Variants in BLNK observed in about 807,000 individuals in gnomAD.
BLNK encodes the protein B-cell linker protein.
Under a neutral mutation model 73.5 loss-of-function variants are expected in BLNK, and 29 were observed. The ratio of observed to expected loss-of-function variants is 0.39; its 90% CI spans 0.29 to 0.54. The LOEUF (loss-of-function observed/expected upper bound fraction) is 0.54. Ranked by LOEUF, BLNK falls within the 20% of genes least tolerant of loss-of-function variation. The pLI is 0.61. For synonymous variants in BLNK, 176 were observed against 200.8 expected (o/e 0.88, Z 1.04); for missense variants, 460 against 562.8 (o/e 0.82, Z 1.85).
intron 1 of BLNK, among the ~76,000 whole-genome samples, chr10:96,253,737 T>C (rs1474137557): frequency 6.6e-6 from 1 of 152,062 alleles, no homozygotes; most frequent in Admixed American, 6.6e-5. Context: ...TAGGCCAGGC[T>C]GGGTGCGATG....
At chr10:96,252,552 A>G (rs760182578) in intron 1 of BLNK, among the ~76,000 whole-genome samples, 4 of 152,366 alleles carry the variant, frequency 2.6e-5, no homozygotes, top group African/African-American at 7.2e-5. Flanking sequence ...TGGGTGGTCA[A>G]TTGGAAGCAT....
At position 96,189,642 on chromosome 10, in the gene BLNK, G is replaced by T; in HGVS notation, c.*2331C>A. The stretch of plus-strand genomic sequence containing the variant: ...CTGATTTGACTTTTGTGCATTTTTG[G>T]CTGGAGTATGTAGATTTCTTCAATG... On this transcript the variant is annotated 3_prime_UTR_variant, in exon 17 of 17. Transcript: ENST00000224337. The T allele has an allele frequency of 1.4e-6, 1 of 710,962 alleles. No homozygotes were observed. Among genetic ancestry groups the T allele is most frequent in the Non-Finnish European group, 2.6e-6 (1 of 383,272 alleles). 44.0% of individuals were successfully genotyped at this position (710,962 alleles called of 1,614,324 possible). A position where few individuals can be genotyped will look rare whatever the true frequency, so the allele number is the denominator to read the frequency against.
Position 96,258,382 on chromosome 10 carries a change from C to T in BLNK, c.48-11333G>A, listed in dbSNP as rs74932896. On this transcript the variant is annotated intron_variant, in intron 1 of 16. Transcript: ENST00000224337. Reference sequence around the variant, plus strand: ...GTGTCTCAGACTATACAGCTGACTCCGAATTTTGCCTACAATTAAGGTAGT... The same window carrying T: ...GTGTCTCAGACTATACAGCTGACTCTGAATTTTGCCTACAATTAAGGTAGT... Among the ~76,000 whole-genome samples the T allele has an allele frequency of 7.9e-3, 1,198 of 152,228 alleles. 17 individuals are homozygous for T. Among genetic ancestry groups the T allele is most frequent in the African/African-American group, 0.028 (1,149 of 41,540 alleles).
intron 16 of BLNK, among the ~76,000 whole-genome samples, chr10:96,195,911 G>A (rs2083453965): frequency 6.6e-6 from 1 of 152,176 alleles, no homozygotes; most frequent in African/African-American, 2.4e-5. Context: ...AATCAATTCA[G>A]TTGCTTAATA....
At chr10:96,271,195 A>G (rs1413129198) in intron 1 of BLNK, among the ~76,000 whole-genome samples, 157 bp downstream of exon 1, 4 of 152,174 alleles carry the variant, frequency 2.6e-5, no homozygotes, top group Non-Finnish European at 4.4e-5. Context: ...GTGCCACCCA[A>G]TGCTTTCCCT....
intron 3 of BLNK, among the ~76,000 whole-genome samples, chr10:96,241,618 C>T (rs1554906249): frequency 2.0e-5 from 3 of 152,186 alleles, no homozygotes; most frequent in African/African-American, 7.2e-5. Flanking sequence ...GAAGTAGTCT[C>T]TTCCCCACTT....
chr10:96,201,400 C>T (rs1260340935), intron 13 of BLNK, among the ~76,000 whole-genome samples: 2 of 152,106 alleles, frequency 1.3e-5, no homozygotes, highest in African/African-American at 4.8e-5. Context: ...AAGAGATTTA[C>T]AAAATGTAAA....
rs1303900712 is a variant in BLNK at position 96,190,521 on chromosome 10, T to C, written c.*1452A>G. ...TGGATTAGGACTTCAACATATCTTT[T>C]TGAGGGGACCACAGTTCAATCTGTA... On this transcript the variant is annotated 3_prime_UTR_variant, in exon 17 of 17. Transcript: ENST00000224337. 6.6e-6 allele frequency among the ~76,000 whole-genome samples: 1 copy of C among 152,230 alleles called. No individual in the cohort carries two copies. The highest frequency in any genetic ancestry group is 2.4e-5 in the African/African-American group (1 of 41,462).
chr10:96,253,723 G>C (rs1843383764), intron 1 of BLNK, among the ~76,000 whole-genome samples: 1 of 152,080 alleles, frequency 6.6e-6, no homozygotes, highest in Admixed American at 6.6e-5. Flanking sequence ...CATTTTTAAA[G>C]GATTAGGCCA....
intron 1 of BLNK, among the ~76,000 whole-genome samples, chr10:96,263,986 T>A (rs2134144550): frequency 6.6e-6 from 1 of 152,246 alleles, no homozygotes; most frequent in South Asian, 2.1e-4. Flanking sequence ...GAGCAGGGAC[T>A]TGGGTAGGGG....
At chr10:96,265,245 A>C (rs1843950120) in intron 1 of BLNK, among the ~76,000 whole-genome samples, 1 of 151,720 alleles carries the variant, frequency 6.6e-6, no homozygotes, top group Admixed American at 6.6e-5. Context: ...CAGCCTCCCA[A>C]AGTGCTGGGA....
chr10:96,229,818 TTTTTC>T (rs1554903612), intron 4 of BLNK, among the ~76,000 whole-genome samples: 1 of 151,948 alleles, frequency 6.6e-6, no homozygotes, highest in African/African-American at 2.4e-5. Flanking sequence ...CTTCCCCTCA[TTTTTC>T]TTTTCTTTTT....
intron 15 of BLNK, among the ~76,000 whole-genome samples, chr10:96,197,411 C>A (rs1554894964): frequency 6.6e-6 from 1 of 152,132 alleles, no homozygotes; most frequent in Non-Finnish European, 1.5e-5. Flanking sequence ...TTCAAGCGAT[C>A]CTCCCACCTC....
intron 1 of BLNK, among the ~76,000 whole-genome samples, chr10:96,247,796 T>G (rs1843112400): frequency 6.6e-6 from 1 of 152,202 alleles, no homozygotes; most frequent in Admixed American, 6.5e-5. Context: ...AGCGTCTGAT[T>G]GATCACCTTC....
chr10:96,190,968 A>G lies in BLNK; in HGVS notation c.*1005T>C, dbSNP rs2083318533. Among the ~76,000 whole-genome samples, 1 of 152,200 alleles carries G rather than the reference A, an allele frequency of 6.6e-6. No homozygotes were observed. The highest frequency in any genetic ancestry group is 6.5e-5 in the Admixed American group (1 of 15,268). ...ATATGGTTTGGCTGTGTCCTCACCC[A>G]AATCTCATCTTGAATTGTAGCTCCC... On this transcript the variant is annotated 3_prime_UTR_variant, in exon 17 of 17. Coordinates refer to ENST00000224337, the MANE Select transcript of BLNK (RefSeq NM_013314.4).
chr10:96,224,603 T>G (rs1281350080), intron 5 of BLNK, among the ~76,000 whole-genome samples: 2 of 152,240 alleles, frequency 1.3e-5, no homozygotes, highest in Non-Finnish European at 2.9e-5. Context: ...GGATCTGAGT[T>G]CTGTCCCTTG....
chr10:96,202,727 C>A (rs2133957475), intron 13 of BLNK, among the ~76,000 whole-genome samples: 2 of 152,308 alleles, frequency 1.3e-5, no homozygotes, highest in Middle Eastern at 6.8e-3. Context: ...AGTGAGTGAA[C>A]AGACTTTCCC....
chr10:96,212,261 C>T (rs2083966028), intron 8 of BLNK, among the ~76,000 whole-genome samples: 1 of 152,054 alleles, frequency 6.6e-6, no homozygotes, highest in South Asian at 2.1e-4. Context: ...GGGTCACTGG[C>T]CCATGAAACA....
chr10:96,264,882 TC>T (rs1203593503), intron 1 of BLNK, among the ~76,000 whole-genome samples: 7 of 152,164 alleles, frequency 4.6e-5, no homozygotes, highest in Admixed American at 2.0e-4. Flanking sequence ...AGCTGCTTTG[TC>T]TTTTATCCAA....
Sources: gnomAD v4.1 joint callset for allele counts (sites outside exome capture counted in the v4.1 genomes callset) on GRCh38, gnomAD v4.1.1 for gene constraint, MANE v1.5 for transcripts, NCBI Gene and HGNC (gene_info 2026-07-23, HGNC 2026-07-21) for gene names.